Variants in DYNLL1 observed in about 807,000 individuals in gnomAD.
The protein encoded by DYNLL1 is dynein light chain LC8-type 1.
DYNLL1 carries 3 observed loss-of-function variants against 10.1 expected under a neutral mutation model. The ratio of observed to expected loss-of-function variants is 0.30; its 90% CI spans 0.14 to 0.77. The LOEUF (loss-of-function observed/expected upper bound fraction) is 0.77, where lower values mean the gene tolerates loss of function less well. Ranked by LOEUF, DYNLL1 falls within the 30% of genes least tolerant of loss-of-function variation. The probability of loss-of-function intolerance (pLI) is 0.66; values close to 1 mark genes in which losing one functional copy is unlikely to be tolerated. For synonymous variants in DYNLL1, 46 were observed against 41.2 expected, an observed-to-expected ratio of 1.12 and a Z score of -0.45; for missense variants, 47 against 111.7, an observed-to-expected ratio of 0.42 and a Z score of 2.61.
intron 1 of DYNLL1, among the ~76,000 whole-genome samples, chr12:120,481,387 A>G (rs1019792334): frequency 1.3e-5 from 2 of 152,200 alleles, no homozygotes; most frequent in Non-Finnish European, 2.9e-5. Context: ...AGATGCCTGC[A>G]CAAATGAGGT....
chr12:120,481,090 G>A (rs1878871282), intron 1 of DYNLL1, among the ~76,000 whole-genome samples: 1 of 152,042 alleles, frequency 6.6e-6, no homozygotes, highest in South Asian at 2.1e-4. Context: ...TTTCCTATTT[G>A]TAGTTTATGA....
chr12:120,473,552 G>A (rs924130715), intron 1 of DYNLL1, among the ~76,000 whole-genome samples: 2 of 151,478 alleles, frequency 1.3e-5, no homozygotes, highest in African/African-American at 2.4e-5. Context: ...AAAATTAGTC[G>A]GAGGTGGTGG....
At chr12:120,478,861 T>A (rs1878814279) in intron 1 of DYNLL1, among the ~76,000 whole-genome samples, 1 of 148,756 alleles carries the variant, frequency 6.7e-6, no homozygotes, top group Non-Finnish European at 1.5e-5. Context: ...ATTTTTGTAT[T>A]TTTAGTAAAG....
upstream of DYNLL1, among the ~76,000 whole-genome samples, chr12:120,492,327 A>C (rs1879152724): frequency 6.6e-6 from 1 of 152,136 alleles, no homozygotes. This position sits in a 1 kb window ranked among gnomAD's most constrained non-coding sequence, Gnocchi z 4.1. Context: ...AAAAATCAGG[A>C]ACCTACGAGG....
chr12:120,483,945 A>G (rs1455479806), intron 1 of DYNLL1, among the ~76,000 whole-genome samples: 1 of 151,156 alleles, frequency 6.6e-6, no homozygotes, highest in Non-Finnish European at 1.5e-5. Flanking sequence ...ATGTATGGCC[A>G]TGAAGGGCAC....
chr12:120,498,352 C>A lies in DYNLL1; in HGVS notation c.*142C>A. 5 of 987,058 alleles carry A rather than the reference C, an allele frequency of 5.1e-6. No individual in the cohort carries two copies. Among genetic ancestry groups the A allele is most frequent in the Non-Finnish European group, 7.2e-6 (5 of 696,122 alleles). 61.1% of individuals were successfully genotyped at this position (987,058 alleles called of 1,614,324 possible). Reference sequence around the variant, plus strand: ...AACCTTTGTTGTGTTTTGTACAGGGCATTCTCTGTACTAGTTTGTCGTGGT... The same window carrying A: ...AACCTTTGTTGTGTTTTGTACAGGGAATTCTCTGTACTAGTTTGTCGTGGT... On this transcript the variant is annotated 3_prime_UTR_variant, in exon 3 of 3. Coordinates refer to ENST00000242577, the MANE Select transcript of DYNLL1 (RefSeq NM_003746.3).
chr12:120,477,531 G>A (rs1054409767), intron 1 of DYNLL1, among the ~76,000 whole-genome samples: 1 of 151,880 alleles, frequency 6.6e-6, no homozygotes, highest in African/African-American at 2.4e-5. Flanking sequence ...CTGGGAACTC[G>A]CTTGAGCCCA....
intron 2 of DYNLL1, 92 bp from the exon 3 acceptor site, chr12:120,497,981 C>T: frequency 1.5e-6 from 2 of 1,309,538 alleles, no homozygotes; most frequent in Non-Finnish European, 2.1e-6. Context: ...TGACGTTCCT[C>T]CTTTCTGCCC....
chr12:120,477,570 G>C (rs1257930853), intron 1 of DYNLL1, among the ~76,000 whole-genome samples: 2 of 151,804 alleles, frequency 1.3e-5, no homozygotes, highest in African/African-American at 4.8e-5. Flanking sequence ...AGGAAACCTA[G>C]TAGATCCCGT....
intron 1 of DYNLL1, among the ~76,000 whole-genome samples, chr12:120,478,841 C>A (rs569521302): frequency 6.7e-6 from 1 of 149,716 alleles, no homozygotes; most frequent in Non-Finnish European, 1.5e-5. Flanking sequence ...CCCGCCACCA[C>A]GCCCAGCTAA....
chr12:120,496,175 C>G lies in DYNLL1; in HGVS notation c.-48C>G. On this transcript the variant is annotated 5_prime_UTR_variant, in exon 1 of 3. Coordinates refer to ENST00000242577, the MANE Select transcript of DYNLL1 (RefSeq NM_003746.3). ...CCGGGCCTGAGCTGTGCTAGCACCT[C>G]CCCCAGGAGACCGTTGCAGTCGGCC... 3.3e-6 allele frequency: 2 copies of G among 611,630 alleles called. No individual in the cohort carries two copies. The highest frequency in any genetic ancestry group is 2.0e-5 in the South Asian group (1 of 51,110). The allele number at this position is 611,630 out of a possible 1,614,324, so 37.9% of individuals were successfully genotyped here.
chr12:120,485,592 C>T (rs1024656461), intron 1 of DYNLL1, among the ~76,000 whole-genome samples: 7 of 151,994 alleles, frequency 4.6e-5, no homozygotes, highest in African/African-American at 1.7e-4. Flanking sequence ...ATAATACCAG[C>T]ACTTTTGGAG....
intron 1 of DYNLL1, among the ~76,000 whole-genome samples, chr12:120,481,966 A>G (rs1231383043): frequency 3.3e-5 from 5 of 152,312 alleles, no homozygotes; most frequent in Non-Finnish European, 5.9e-5. Flanking sequence ...CTCCCGCCTC[A>G]GCCTCCCAGA....
intron 1 of DYNLL1, among the ~76,000 whole-genome samples, chr12:120,480,189 C>T (rs1452968774): frequency 6.6e-6 from 1 of 152,168 alleles, no homozygotes; most frequent in Non-Finnish European, 1.5e-5. Context: ...TTATTAAAAC[C>T]TATGGTTCCC....
chr12:120,483,119 C>T (rs958279328), intron 1 of DYNLL1, among the ~76,000 whole-genome samples: 5 of 151,884 alleles, frequency 3.3e-5, no homozygotes, highest in African/African-American at 1.2e-4. Flanking sequence ...GCGGGTGGAT[C>T]ACAAGGTCAG....
intron 1 of DYNLL1, 34 bp downstream of exon 1, chr12:120,496,250 C>T (rs1868391570): frequency 4.0e-6 from 4 of 1,007,468 alleles, no homozygotes; most frequent in East Asian, 5.2e-5. Context: ...GGTGTCCTCG[C>T]TGCCTTATTT....
chr12:120,486,294 G>A (rs960262863), intron 1 of DYNLL1, among the ~76,000 whole-genome samples: 5 of 152,080 alleles, frequency 3.3e-5, no homozygotes, highest in Non-Finnish European at 5.9e-5. Flanking sequence ...AGTTTCTTGG[G>A]GGAAGTGGCT....
chr12:120,477,681 G>A (rs113847724), intron 1 of DYNLL1, among the ~76,000 whole-genome samples: 4 of 152,056 alleles, frequency 2.6e-5, no homozygotes, highest in Non-Finnish European at 5.9e-5. Flanking sequence ...AGGTAGAAGC[G>A]GGAGGATGGC....
chr12:120,496,994 G>A, intron 2 of DYNLL1: 1 of 284,102 alleles, frequency 3.5e-6, no homozygotes, highest in East Asian at 7.1e-5. Flanking sequence ...GTAGGGGCTT[G>A]GTAAATGGCA....
Sources: allele counts gnomAD v4.1 joint callset (sites outside exome capture counted in the v4.1 genomes callset), GRCh38; gene constraint gnomAD v4.1.1; non-coding constraint Gnocchi (gnomAD v3.1); transcripts MANE v1.5; gene names NCBI Gene and HGNC (gene_info 2026-07-23, HGNC 2026-07-21).